H1-6: variants seen among roughly 807,000 people sequenced by gnomAD.
The protein encoded by H1-6 is H1.6 linker histone, cluster member.
For missense variants in H1-6, 538 were observed against 246.5 expected, an observed-to-expected ratio of 2.18 and a Z score of -7.92; for synonymous variants, 225 against 100.1, an observed-to-expected ratio of 2.25 and a Z score of -7.45.
chr6:26,107,702 T>G lies in H1-6; in HGVS notation c.392A>C (p.Lys131Thr), dbSNP rs745999219. ...RSKAKKSVSAKTKKLVLSRDS... is the reference protein window; with the variant it reads ...RSKAKKSVSATTKKLVLSRDS... ...CCTGGATAAAACCAGCTTCTTGGTCTTGGCAGAAACTGACTTTTTAGCCTT... is the reference window on the plus strand; with the variant it reads ...CCTGGATAAAACCAGCTTCTTGGTCGTGGCAGAAACTGACTTTTTAGCCTT... Residue 131 changes from lysine to threonine, a missense_variant, in exon 1 of 1, where the codon AAG becomes ACG. Coordinates refer to ENST00000338379, the MANE Select transcript of H1-6 (RefSeq NM_005323.4). 7 of 1,614,204 alleles carry G rather than the reference T, an allele frequency of 4.3e-6. No individual in the cohort carries two copies. Among genetic ancestry groups the G allele is most frequent in the Non-Finnish European group, 5.9e-6 (7 of 1,180,046 alleles).
rs1211173123 is a variant in H1-6 at position 26,107,534 on chromosome 6, G to C, written c.560C>G (p.Ala187Gly). ...ATGTTGGGTCAATTTTGACTTCGAAGCCCTTGCCTTCACTGGGCTCTTCTG... is the reference window on the plus strand; with the variant it reads ...ATGTTGGGTCAATTTTGACTTCGAACCCCTTGCCTTCACTGGGCTCTTCTG... ...QQQKSPVKAR[A>G]SKSKLTQHHE... The change falls in exon 1 of 1, where the codon GCT (alanine) becomes GGT (glycine). Residue 187 changes from alanine (A) to glycine (G), a missense_variant. Physicochemically the swap from Ala to Gly is moderately conservative, Grantham distance 60. Coordinates refer to ENST00000338379, the MANE Select transcript of H1-6 (RefSeq NM_005323.4). 16 of 1,613,162 alleles carry C rather than the reference G, an allele frequency of 9.9e-6. No homozygotes were observed. The highest frequency in any genetic ancestry group is 1.3e-5 in the Non-Finnish European group (15 of 1,179,668).
rs1227663988 is a variant in H1-6, at chr6:26,108,010, C to T, written c.84G>A (p.Lys28=). Reference sequence around the variant, plus strand: ...GACTTGCACTTATCAAGCCAGCCGGCTTCCTCCCTCGCTTCTTGGTTGGAA... The same window carrying T: ...GACTTGCACTTATCAAGCCAGCCGGTTTCCTCCCTCGCTTCTTGGTTGGAA... The part of the protein sequence containing the change: ...EKLPTKKRGR[K]PAGLISASRK... The change falls in exon 1 of 1, where the codon AAG becomes AAA. Residue 28 remains lysine, a synonymous_variant. Coordinates refer to ENST00000338379, the MANE Select transcript of H1-6 (RefSeq NM_005323.4). The T allele has an allele frequency of 3.1e-6, 5 of 1,614,250 alleles. No homozygotes were observed. Among genetic ancestry groups the T allele is most frequent in the South Asian group, 2.2e-5 (2 of 91,092 alleles).
Position 26,107,716 on chromosome 6 carries a change from C to A in H1-6, c.378G>T (p.Lys126Asn), listed in dbSNP as rs12526092. Residue 126 changes from lysine to asparagine, a missense_variant, in exon 1 of 1, where the codon AAG (lysine) becomes AAT (asparagine). Transcript: ENST00000338379. ...GCTTCTTGGTCTTGGCAGAAACTGA[C>A]TTTTTAGCCTTGCTTCTGGTAGATT... is the stretch of plus-strand genomic sequence containing the variant. ...IPKSTRSKAK[K>N]SVSAKTKKLV... 1 of 1,614,178 alleles carries A rather than the reference C, an allele frequency of 6.2e-7. No homozygotes were observed. Among genetic ancestry groups the A allele is most frequent in the Non-Finnish European group, 8.5e-7 (1 of 1,180,034 alleles).
rs138508711 is a variant in H1-6, at chr6:26,107,645, T to C, written c.449A>G (p.Asn150Ser). 1.2e-3 allele frequency: 1,934 copies of C among 1,614,226 alleles called. 32 individuals are homozygous for C. The South Asian group carries it at 0.018, about 15-fold the overall frequency. Residue 150 changes from asparagine to serine, a missense_variant, in exon 1 of 1, where the codon AAT becomes AGT. Coordinates refer to ENST00000338379, the MANE Select transcript of H1-6 (RefSeq NM_005323.4). ...DSKSPKTAKT[N>S]KRAKKPRATT... ...CGCTCTCGGCTTCTTGGCTCTCTTA[T>C]TGGTTTTAGCAGTCTTTGGTGACTT...
chr6:26,107,588 T>A lies in H1-6; in HGVS notation c.506A>T (p.Lys169Met). The A allele has an allele frequency of 6.2e-7, 1 of 1,614,188 alleles. No individual in the cohort carries two copies. Among genetic ancestry groups the A allele is most frequent in the Non-Finnish European group, 8.5e-7 (1 of 1,180,028 alleles). The stretch of plus-strand genomic sequence containing the variant: ...TTGCTTACCCTTGGCTCCTTTAGCC[T>A]TTCTCCCGCTCCTAACAGTTTTAGG... ...TTPKTVRSGR[K>M]AKGAKGKQQQ... The change falls in exon 1 of 1, where the codon AAG becomes ATG. Residue 169 changes from lysine (K) to methionine (M), a missense_variant. Physicochemically the swap from Lys to Met is moderately conservative, Grantham distance 95. Coordinates refer to ENST00000338379, the MANE Select transcript of H1-6 (RefSeq NM_005323.4).
rs1332710654 is a variant in H1-6 at position 26,108,110 on chromosome 6, A to G, written c.-17T>C. 2 of 1,610,632 alleles carry G rather than the reference A, an allele frequency of 1.2e-6. No homozygotes were observed. The highest frequency in any genetic ancestry group is 1.1e-5 in the South Asian group (1 of 90,778). Reference sequence around the variant, plus strand: ...TTCAGACATAACAACAGAGAAACGCAAGATGTAATAACCAGCGAAAAGCAT... The same window carrying G: ...TTCAGACATAACAACAGAGAAACGCGAGATGTAATAACCAGCGAAAAGCAT... On this transcript the variant is annotated 5_prime_UTR_variant, in exon 1 of 1. Coordinates refer to ENST00000338379, the MANE Select transcript of H1-6 (RefSeq NM_005323.4).
chr6:26,107,442 T>C lies in H1-6; in HGVS notation c.*28A>G, dbSNP rs201558475. On this transcript the variant is annotated 3_prime_UTR_variant, in exon 1 of 1. Coordinates refer to ENST00000338379, the MANE Select transcript of H1-6 (RefSeq NM_005323.4). ...GGCTCTTAAAAGAGCCTTTGGGTTC[T>C]TTCCAAATTGGCCTCCCGGAAAGCT... is the stretch of plus-strand genomic sequence containing the variant. The C allele has an allele frequency of 1.9e-4, 297 of 1,556,834 alleles. No individual in the cohort carries two copies. The highest frequency in any genetic ancestry group is 5.2e-4 in the Middle Eastern group (3 of 5,788).
chr6:26,107,531 G>A lies in H1-6; in HGVS notation c.563C>T (p.Ser188Leu), dbSNP rs183955673. ...QQKSPVKARASKSKLTQHHEV... is the reference protein window; with the variant it reads ...QQKSPVKARALKSKLTQHHEV... ...ATGATGTTGGGTCAATTTTGACTTCGAAGCCCTTGCCTTCACTGGGCTCTT... is the reference window on the plus strand; with the variant it reads ...ATGATGTTGGGTCAATTTTGACTTCAAAGCCCTTGCCTTCACTGGGCTCTT... Residue 188 changes from serine (S) to leucine (L), a missense_variant, in exon 1 of 1, where the codon TCG (serine) becomes TTG (leucine). Transcript: ENST00000338379. 1.4e-5 allele frequency: 22 copies of A among 1,612,942 alleles called. No homozygotes were observed. The Admixed American group carries it at 1.8e-4, about 13-fold the overall frequency.
Position 26,107,836 on chromosome 6 carries a change from C to T in H1-6, c.258G>A (p.Leu86=), listed in dbSNP as rs1275305925. 2 of 1,614,232 alleles carry T rather than the reference C, an allele frequency of 1.2e-6. No homozygotes were observed. The highest frequency in any genetic ancestry group is 4.5e-5 in the East Asian group (2 of 44,888). Residue 86 remains leucine, a synonymous_variant, in exon 1 of 1, where the codon CTG becomes CTA. Coordinates refer to ENST00000338379, the MANE Select transcript of H1-6 (RefSeq NM_005323.4). ...CCTTGTTCACTAAGCTCTTGAGGGA[C>T]AGTTTGATGCGGCTGTTATTCTTCT... is the stretch of plus-strand genomic sequence containing the variant. ...DVEKNNSRIK[L]SLKSLVNKGI...
chr6:26,107,978 A>G lies in H1-6; in HGVS notation c.116T>C (p.Val39Ala). 6.2e-7 allele frequency: 1 copy of G among 1,614,192 alleles called. No homozygotes were observed. The highest frequency in any genetic ancestry group is 8.5e-7 in the Non-Finnish European group (1 of 1,180,044). The change falls in exon 1 of 1, where the codon GTG (valine) becomes GCG (alanine). Residue 39 changes from valine to alanine, a missense_variant. Physicochemically the swap from Val to Ala is moderately conservative, Grantham distance 64. Transcript: ENST00000338379. ...CAACTTGGACACAGAGAGGTTCGGC[A>G]CTTTGCGACTTGCACTTATCAAGCC... ...PAGLISASRK[V>A]PNLSVSKLIT...
chr6:26,107,759 C>A lies in H1-6; in HGVS notation c.335G>T (p.Ser112Ile). 6.2e-7 allele frequency: 1 copy of A among 1,614,220 alleles called. No individual in the cohort carries two copies. The highest frequency in any genetic ancestry group is 8.5e-7 in the Non-Finnish European group (1 of 1,180,044). The change falls in exon 1 of 1, where the codon AGT (serine) becomes ATT (isoleucine). Residue 112 changes from serine (S) to isoleucine (I), a missense_variant. Physicochemically the swap from Ser to Ile is moderately radical, Grantham distance 142 (BLOSUM62 -2). Transcript: ENST00000338379. The stretch of plus-strand genomic sequence containing the variant: ...GGTAGATTTAGGAATCACCTTCTTA[C>A]TAAGCTTAAAGGAACCGGAAGCACC... Reference protein sequence around the residue: ...GTGASGSFKLSKKVIPKSTRS... With the variant: ...GTGASGSFKLIKKVIPKSTRS...
chr6:26,108,098 A>T lies in H1-6; in HGVS notation c.-5T>A, dbSNP rs779751101. On this transcript the variant is annotated 5_prime_UTR_variant, in exon 1 of 1. The change creates a new upstream start codon in the 5' untranslated region. Coordinates refer to ENST00000338379, the MANE Select transcript of H1-6 (RefSeq NM_005323.4). Reference sequence around the variant, plus strand: ...TGCAGGCACGGTTTCAGACATAACAACAGAGAAACGCAAGATGTAATAACC... The same window carrying T: ...TGCAGGCACGGTTTCAGACATAACATCAGAGAAACGCAAGATGTAATAACC... 3.1e-6 allele frequency: 5 copies of T among 1,612,590 alleles called. No homozygotes were observed. In the South Asian group the frequency reaches 5.5e-5, roughly 18 times the overall value.
rs1388346368 is a variant in H1-6 at position 26,108,021 on chromosome 6, G to T, written c.73C>A (p.Arg25=). ...AAMEKLPTKK[R]GRKPAGLISA... The stretch of plus-strand genomic sequence containing the variant: ...ATCAAGCCAGCCGGCTTCCTCCCTC[G>T]CTTCTTGGTTGGAAGTTTCTCCATA... The change falls in exon 1 of 1, where the codon CGA becomes AGA. Residue 25 remains arginine, a synonymous_variant. Coordinates refer to ENST00000338379, the MANE Select transcript of H1-6 (RefSeq NM_005323.4). 1 of 1,614,006 alleles carries T rather than the reference G, an allele frequency of 6.2e-7. No homozygotes were observed. Among genetic ancestry groups the T allele is most frequent in the Non-Finnish European group, 8.5e-7 (1 of 1,180,026 alleles).
Position 26,107,866 on chromosome 6 carries a change from G to T in H1-6, c.228C>A (p.Asp76Glu), listed in dbSNP as rs539911407. 2.5e-6 allele frequency: 4 copies of T among 1,614,152 alleles called. No individual in the cohort carries two copies. The highest frequency in any genetic ancestry group is 4.5e-5 in the East Asian group (2 of 44,880). Reference sequence around the variant, plus strand: ...TGATGCGGCTGTTATTCTTCTCTACGTCGTAGCCAGCAGCGGCCAATGCCT... The same window carrying T: ...TGATGCGGCTGTTATTCTTCTCTACTTCGTAGCCAGCAGCGGCCAATGCCT... Reference protein sequence around the residue: ...LKKALAAAGYDVEKNNSRIKL... With the variant: ...LKKALAAAGYEVEKNNSRIKL... The change falls in exon 1 of 1, where the codon GAC becomes GAA. Residue 76 changes from aspartate (D) to glutamate (E), a missense_variant. Asp to Glu is a conservative substitution (Grantham distance 45). Coordinates refer to ENST00000338379, the MANE Select transcript of H1-6 (RefSeq NM_005323.4).
Position 26,107,964 on chromosome 6 carries a change from CAG to C in H1-6, c.128_129del (p.Ser43CysfsTer38). ...ISASRKVPNL[S>X]VSKLITEALS... ...AGGGCCTCGGTGATCAACTTGGACACAGAGAGGTTCGGCACTTTGCGACTTGC... is the reference window on the plus strand; with the variant it reads ...AGGGCCTCGGTGATCAACTTGGACACAGAGGTTCGGCACTTTGCGACTTGC... On this transcript the variant is annotated frameshift_variant, in exon 1 of 1. Coordinates refer to ENST00000338379, the MANE Select transcript of H1-6 (RefSeq NM_005323.4). LOFTEE classifies it low-confidence loss of function (END_TRUNC). 1.9e-6 allele frequency: 3 copies of C among 1,614,234 alleles called. No homozygotes were observed. Among genetic ancestry groups the C allele is most frequent in the African/African-American group, 1.3e-5 (1 of 75,046 alleles).
rs1331744694 is a variant in H1-6, at chr6:26,107,511, G to A, written c.583C>T (p.His195Tyr). The change falls in exon 1 of 1, where the codon CAT (histidine) becomes TAT (tyrosine). Residue 195 changes from histidine to tyrosine, a missense_variant. Transcript: ENST00000338379. ...GCCTTTCTAACATTAACTTCATGAT[G>A]TTGGGTCAATTTTGACTTCGAAGCC... ...ARASKSKLTQ[H>Y]HEVNVRKATS... 5 of 1,609,962 alleles carry A rather than the reference G, an allele frequency of 3.1e-6. No individual in the cohort carries two copies. The highest frequency in any genetic ancestry group is 1.1e-5 in the South Asian group (1 of 90,084).
chr6:26,107,531 G>C lies in H1-6; in HGVS notation c.563C>G (p.Ser188Trp). 6.2e-7 allele frequency: 1 copy of C among 1,612,942 alleles called. No homozygotes were observed. The highest frequency in any genetic ancestry group is 8.5e-7 in the Non-Finnish European group (1 of 1,179,630). The change falls in exon 1 of 1, where the codon TCG becomes TGG. Residue 188 changes from serine to tryptophan, a missense_variant. Transcript: ENST00000338379. ...QQKSPVKARASKSKLTQHHEV... is the reference protein window; with the variant it reads ...QQKSPVKARAWKSKLTQHHEV... ...ATGATGTTGGGTCAATTTTGACTTC[G>C]AAGCCCTTGCCTTCACTGGGCTCTT... is the stretch of plus-strand genomic sequence containing the variant.
chr6:26,107,507 T>C lies in H1-6; in HGVS notation c.587A>G (p.His196Arg), dbSNP rs756083173. ...TGTGGCCTTTCTAACATTAACTTCA[T>C]GATGTTGGGTCAATTTTGACTTCGA... ...RASKSKLTQH[H>R]EVNVRKATSK... The change falls in exon 1 of 1, where the codon CAT becomes CGT. Residue 196 changes from histidine to arginine, a missense_variant. Transcript: ENST00000338379. 6.2e-7 allele frequency: 1 copy of C among 1,608,278 alleles called. No homozygotes were observed. Among genetic ancestry groups the C allele is most frequent in the Non-Finnish European group, 8.5e-7 (1 of 1,178,308 alleles).
At position 26,107,436 on chromosome 6, in the gene H1-6, G is replaced by A. The variant is rs766873739; in HGVS notation, c.*34C>T. 2.6e-6 allele frequency: 4 copies of A among 1,546,914 alleles called. No homozygotes were observed. Among genetic ancestry groups the A allele is most frequent in the East Asian group, 4.5e-5 (2 of 44,572 alleles). Reference sequence around the variant, plus strand: ...GTGGGTGGCTCTTAAAAGAGCCTTTGGGTTCTTTCCAAATTGGCCTCCCGG... The same window carrying A: ...GTGGGTGGCTCTTAAAAGAGCCTTTAGGTTCTTTCCAAATTGGCCTCCCGG... On this transcript the variant is annotated 3_prime_UTR_variant, in exon 1 of 1. Coordinates refer to ENST00000338379, the MANE Select transcript of H1-6 (RefSeq NM_005323.4).
Sources: gnomAD v4.1 joint callset for allele counts on GRCh38, gnomAD v4.1.1 for gene constraint, MANE v1.5 for transcripts, NCBI Gene and HGNC (gene_info 2026-07-23, HGNC 2026-07-21) for gene names.